Variants in SRBD1 observed in about 807,000 individuals in gnomAD.
SRBD1 encodes S1 RNA binding domain 1.
In SRBD1, 88 loss-of-function variants were observed where a neutral mutation model predicts 115.3. The observed-to-expected ratio is 0.76, with a 90% CI of 0.64 to 0.91. The LOEUF (loss-of-function observed/expected upper bound fraction) is 0.91, where lower values mean the gene tolerates loss of function less well. Ranked by LOEUF, SRBD1 falls within the 40% of genes least tolerant of loss-of-function variation. The pLI, the probability that SRBD1 is intolerant of heterozygous loss-of-function variation, is 0.00. For missense variants in SRBD1, 1,385 were observed against 1,177.4 expected (o/e 1.18, Z -2.58); for synonymous variants, 509 against 407.7 (o/e 1.25, Z -2.99).
chr2:45,415,572 G>T (rs1323412622), intron 18 of SRBD1, among the ~76,000 whole-genome samples: 1 of 141,114 alleles, frequency 7.1e-6, no homozygotes, highest in Non-Finnish European at 1.5e-5. Context: ...CGTATATATA[G>T]GTTAAAAAAC....
At chr2:45,575,696 G>C (rs1476044220) in intron 7 of SRBD1, among the ~76,000 whole-genome samples, 1 of 152,098 alleles carries the variant, frequency 6.6e-6, no homozygotes, top group East Asian at 1.9e-4. Flanking sequence ...AACAACATGG[G>C]TACAGGTCCA....
At chr2:45,573,678 C>T (rs1281413154) in intron 8 of SRBD1, among the ~76,000 whole-genome samples, 1 of 152,112 alleles carries the variant, frequency 6.6e-6, no homozygotes, top group Non-Finnish European at 1.5e-5. Flanking sequence ...TTTCTAATCA[C>T]TAAGACAGTC....
In SRBD1 at chr2:45,599,763, T is replaced by C. The variant is rs774702225; in HGVS notation, c.334A>G (p.Lys112Glu). The stretch of plus-strand genomic sequence containing the variant: ...CATTTCTGTTTTGTCTTGGCTGTTT[T>C]CAGAGTCTGTACAGTATCCAATTTA... ...KNKLDTVQTL[K>E]TAKTKQKCAA... Residue 112 changes from lysine (K) to glutamate (E), a missense_variant, in exon 4 of 21, where the codon AAA becomes GAA. Transcript: ENST00000263736. The C allele has an allele frequency of 1.2e-6, 2 of 1,614,196 alleles. No individual in the cohort carries two copies. The highest frequency in any genetic ancestry group is 2.2e-5 in the South Asian group (2 of 91,088).
intron 16 of SRBD1, 140 bp from the exon 17 acceptor site, chr2:45,420,034 G>C (rs182462760): frequency 1.4e-6 from 1 of 725,170 alleles, no homozygotes; most frequent in Admixed American, 2.4e-5. Context: ...ACTGTTAGCA[G>C]AATTAAGCTA....
At chr2:45,445,546 G>C (rs1668795201) in intron 16 of SRBD1, among the ~76,000 whole-genome samples, 1 of 63,888 alleles carries the variant, frequency 1.6e-5, no homozygotes, top group Non-Finnish European at 2.7e-5. Flanking sequence ...TATCTTCCCA[G>C]AGGTAAAAAA....
At chr2:45,605,289 A>G (rs578072893) in intron 2 of SRBD1, 73 bp downstream of exon 2, 302 of 1,438,672 alleles carry the variant, frequency 2.1e-4, no homozygotes, top group Non-Finnish European at 2.8e-4. Flanking sequence ...GGAGTTAGAA[A>G]GTGACAGAAT....
At chr2:45,550,273 G>A (rs1672255179) in intron 12 of SRBD1, among the ~76,000 whole-genome samples, 1 of 152,064 alleles carries the variant, frequency 6.6e-6, no homozygotes, top group Non-Finnish European at 1.5e-5. Flanking sequence ...TGGAGTTCCA[G>A]AAAGAGATGC....
At position 45,475,988 on chromosome 2, in the gene SRBD1, T is replaced by G. The variant is rs148245830; in HGVS notation, c.2049+1005A>C. Among the ~76,000 whole-genome samples, 187 of 152,354 alleles carry G rather than the reference T, an allele frequency of 1.2e-3. 1 individual carries two copies. Among genetic ancestry groups the G allele is most frequent in the Non-Finnish European group, 2.6e-4 (18 of 68,030 alleles). On this transcript the variant is annotated intron_variant, in intron 16 of 20. Transcript: ENST00000263736. ...TGCTGGGATTACAGGCATGAGCCAC[T>G]GCACCTAGCCAGTTGTACTCTTTAG...
intron 1 of SRBD1, among the ~76,000 whole-genome samples, chr2:45,608,231 G>A (rs192808403): frequency 3.4e-4 from 52 of 152,206 alleles, no homozygotes; most frequent in Admixed American, 6.5e-4. Context: ...AAGGCACCCC[G>A]AAAGCAATAT....
At chr2:45,410,403 G>C (rs895855871) in intron 19 of SRBD1, among the ~76,000 whole-genome samples, 6 of 152,062 alleles carry the variant, frequency 3.9e-5, no homozygotes, top group African/African-American at 1.4e-4. Flanking sequence ...TGAAAACAAA[G>C]GTCAAAGACA....
At chr2:45,551,056 T>A in intron 12 of SRBD1, 69 bp downstream of exon 12, 1 of 1,510,482 alleles carries the variant, frequency 6.6e-7, no homozygotes, top group Non-Finnish European at 8.8e-7. Context: ...CAAATCCTCA[T>A]GAAATGTATG....
intron 15 of SRBD1, among the ~76,000 whole-genome samples, chr2:45,481,050 T>A (rs1432909396): frequency 1.3e-5 from 2 of 152,232 alleles, no homozygotes; most frequent in East Asian, 3.9e-4. Context: ...AAGGCGAGAC[T>A]CTCCACCAGC....
intron 16 of SRBD1, among the ~76,000 whole-genome samples, chr2:45,456,427 A>G (rs1477150537): frequency 6.6e-6 from 1 of 151,926 alleles, no homozygotes; most frequent in African/African-American, 2.4e-5. Context: ...GATGGTAAAA[A>G]AAACTTTCCA....
intron 14 of SRBD1, among the ~76,000 whole-genome samples, chr2:45,502,066 G>A (rs1047480103): frequency 3.9e-5 from 6 of 152,174 alleles, no homozygotes; most frequent in Non-Finnish European, 5.9e-5. Flanking sequence ...CACCTCACAC[G>A]GCCGGGTACC....
intron 16 of SRBD1, among the ~76,000 whole-genome samples, chr2:45,453,973 A>G (rs1383431536): frequency 2.6e-5 from 4 of 151,978 alleles, no homozygotes; most frequent in Non-Finnish European, 5.9e-5. Flanking sequence ...AAATGTGAGT[A>G]TTAAATTATT....
At chr2:45,582,885 T>C (rs1052400816) in intron 5 of SRBD1, among the ~76,000 whole-genome samples, 3 of 152,168 alleles carry the variant, frequency 2.0e-5, no homozygotes, top group African/African-American at 4.8e-5. Flanking sequence ...CTAGCACCCA[T>C]AATTGGTTTC....
chr2:45,453,934 T>C (rs1387255405), intron 16 of SRBD1, among the ~76,000 whole-genome samples: 1 of 152,004 alleles, frequency 6.6e-6, no homozygotes, highest in Non-Finnish European at 1.5e-5. Flanking sequence ...GCAATTAACA[T>C]AAATCTCCAG....
In SRBD1 at chr2:45,547,597, G is replaced by T. The variant is rs775924023; in HGVS notation, c.1691C>A (p.Thr564Asn). ...TCCACAATGCAAGTAAACCACATCA[G>T]TATGAAGTATCTGACCTTTAAAAAA... Reference protein sequence around the residue: ...IISPTSQILHTDVVYLHCGQG... With the variant: ...IISPTSQILHNDVVYLHCGQG... The change falls in exon 13 of 21, where the codon ACT (threonine) becomes AAT (asparagine). Residue 564 changes from threonine (T) to asparagine (N), a missense_variant. Physicochemically the swap from Thr to Asn is moderately conservative, Grantham distance 65. Coordinates refer to ENST00000263736, the MANE Select transcript of SRBD1 (RefSeq NM_018079.5). 6.2e-7 allele frequency: 1 copy of T among 1,613,014 alleles called. No homozygotes were observed. The highest frequency in any genetic ancestry group is 1.1e-5 in the South Asian group (1 of 90,934).
At chr2:45,554,460 A>C (rs1489540150) in intron 10 of SRBD1, among the ~76,000 whole-genome samples, 1 of 152,160 alleles carries the variant, frequency 6.6e-6, no homozygotes, top group Non-Finnish European at 1.5e-5. Context: ...GTTAAAGTAG[A>C]CTGAGCAAAG....
Sources: gnomAD v4.1 joint callset for allele counts (sites outside exome capture counted in the v4.1 genomes callset) on GRCh38, gnomAD v4.1.1 for gene constraint, MANE v1.5 for transcripts, NCBI Gene and HGNC (gene_info 2026-07-23, HGNC 2026-07-21) for gene names.